The following ARHGAP8 variants were observed in gnomAD, a reference collection of about 807,000 sequenced individuals.
ARHGAP8 encodes rho GTPase-activating protein 8.
ARHGAP8 carries 62 observed loss-of-function variants against 46.1 expected under a neutral mutation model. That is an observed-to-expected ratio of 1.34 (90% CI 1.10 to 1.66). The LOEUF is 1.66. Ranked by LOEUF, ARHGAP8 falls within the 40% of genes most tolerant of loss-of-function variation. The pLI, the probability that ARHGAP8 is intolerant of heterozygous loss-of-function variation, is 0.00. For missense variants in ARHGAP8, 923 were observed against 568.4 expected, an observed-to-expected ratio of 1.62 and a Z score of -6.34; for synonymous variants, 375 against 243.1, an observed-to-expected ratio of 1.54 and a Z score of -5.05.
At chr22:44,850,534 G>A (rs2070067338) in intron 10 of ARHGAP8, 1 of 152,228 alleles carries the variant, frequency 6.6e-6, no homozygotes, top group Non-Finnish European at 1.5e-5. Context: ...GCAGAGGGAT[G>A]ATGACTCCAG....
chr22:44,779,641 A>G lies in ARHGAP8; in HGVS notation c.-71-6816A>G, dbSNP rs1344433175. ...CAGTGGGGTGATCTCGGCTCACTGC[A>G]ACCTCTGCCTACCAGGTTCAAGCAA... On this transcript the variant is annotated intron_variant, in intron 1 of 11. Transcript: ENST00000356099. Among the ~76,000 whole-genome samples, 16 of 145,020 alleles carry G rather than the reference A, an allele frequency of 1.1e-4. No individual in the cohort carries two copies. In the Admixed American group the frequency reaches 1.2e-3, roughly 11 times the overall value.
chr22:44,769,395 C>T (rs1022796737), intron 1 of ARHGAP8, among the ~76,000 whole-genome samples: 5 of 152,078 alleles, frequency 3.3e-5, no homozygotes, highest in African/African-American at 1.2e-4. Context: ...ATCAGAAATT[C>T]TTCCAACTTT....
At chr22:44,753,616 G>A (rs1333770832) in intron 1 of ARHGAP8, among the ~76,000 whole-genome samples, 1 of 151,708 alleles carries the variant, frequency 6.6e-6, no homozygotes, top group East Asian at 2.0e-4. Context: ...ATCCTGTGGG[G>A]GGTGGGGGGG....
intron 1 of ARHGAP8, chr22:44,777,334 A>G (rs1365053886): frequency 6.6e-6 from 1 of 151,852 alleles, no homozygotes; most frequent in Non-Finnish European, 1.5e-5. Flanking sequence ...CATTTCTCCC[A>G]ACACTTTTTA....
intron 4 of ARHGAP8, among the ~76,000 whole-genome samples, chr22:44,812,364 GTTTT>G: frequency 8.5e-6 from 1 of 117,300 alleles, no homozygotes; most frequent in African/African-American, 3.2e-5. Flanking sequence ...TTTGCTTTCT[GTTTT>G]TTTTTTTGAG....
chr22:44,860,960 T>A (rs939969838), intron 11 of ARHGAP8, among the ~76,000 whole-genome samples: 2 of 151,692 alleles, frequency 1.3e-5, no homozygotes, highest in African/African-American at 4.8e-5. Flanking sequence ...TTCTCCCTGT[T>A]GCTTGACATA....
At chr22:44,784,674 G>A (rs5766005) in intron 1 of ARHGAP8, among the ~76,000 whole-genome samples, 134,181 of 152,124 alleles carry the variant, frequency 0.88, 59,493 homozygotes, top group Non-Finnish European at 0.94. Context: ...ACTCATCTCA[G>A]GATCCTTAAC....
chr22:44,861,665 C>T (rs2042696550), intron 11 of ARHGAP8, among the ~76,000 whole-genome samples: 1 of 152,160 alleles, frequency 6.6e-6, no homozygotes, highest in Admixed American at 6.5e-5. Flanking sequence ...AGGCCCTGCC[C>T]TCACGTTGGT....
At chr22:44,775,189 CACATAA>C (rs1436955974) in intron 1 of ARHGAP8, among the ~76,000 whole-genome samples, 2 of 152,164 alleles carry the variant, frequency 1.3e-5, no homozygotes, top group African/African-American at 4.8e-5. Flanking sequence ...GGCAGCACAA[CACATAA>C]ACTGAAAGGA....
chr22:44,776,445 T>TC (rs1926425666), intron 1 of ARHGAP8, among the ~76,000 whole-genome samples: 1 of 117,448 alleles, frequency 8.5e-6, no homozygotes, highest in Non-Finnish European at 1.7e-5. Context: ...AGAGTGAAAC[T>TC]CCGTCTCAAA....
intron 2 of ARHGAP8, among the ~76,000 whole-genome samples, chr22:44,793,759 T>TC (rs1445158017): frequency 6.6e-6 from 1 of 152,202 alleles, no homozygotes; most frequent in Admixed American, 6.6e-5. Context: ...GGTCATGAAT[T>TC]CATCTGATGC....
chr22:44,845,700 G>A (rs1602257189), intron 8 of ARHGAP8, among the ~76,000 whole-genome samples: 1 of 152,166 alleles, frequency 6.6e-6, no homozygotes, highest in Non-Finnish European at 1.5e-5. Context: ...AAGCCCTCTC[G>A]AAATGGGGAC....
At position 44,844,439 on chromosome 22, in the gene ARHGAP8, C is replaced by T. The variant is rs143866497; in HGVS notation, c.597-830C>T. ...TGGCCTAAACATTCCAATTAAAAGA[C>T]AGAGATTCTCAGATTGGATTTTATT... On this transcript the variant is annotated intron_variant, in intron 7 of 11. Transcript: ENST00000356099. 1.4e-3 allele frequency among the ~76,000 whole-genome samples: 208 copies of T among 152,210 alleles called. 1 individual carries two copies. The highest frequency in any genetic ancestry group is 4.7e-3 in the African/African-American group (195 of 41,530).
At chr22:44,858,122 G>C (rs1421787929) in intron 10 of ARHGAP8, among the ~76,000 whole-genome samples, 2 of 152,292 alleles carry the variant, frequency 1.3e-5, no homozygotes, top group Non-Finnish European at 2.9e-5. Context: ...TGGAATAATG[G>C]CTTTTATTAA....
chr22:44,778,518 C>G (rs1286695816), intron 1 of ARHGAP8, among the ~76,000 whole-genome samples: 1 of 152,108 alleles, frequency 6.6e-6, no homozygotes, highest in African/African-American at 2.4e-5. Context: ...TGTATAATGA[C>G]TTATTTTCCT....
chr22:44,802,488 C>T (rs867858014), intron 3 of ARHGAP8, among the ~76,000 whole-genome samples: 9 of 152,214 alleles, frequency 5.9e-5, no homozygotes, highest in African/African-American at 2.2e-4. Flanking sequence ...GATGACACGG[C>T]TGCCGAGCGC....
intron 9 of ARHGAP8, 45 bp from the exon 10 acceptor site, chr22:44,848,887 C>A (rs775735836): frequency 1.2e-6 from 2 of 1,609,812 alleles, no homozygotes; most frequent in East Asian, 4.5e-5. Flanking sequence ...GCGGCAGTGC[C>A]CAGGCCGGGG....
intron 4 of ARHGAP8, chr22:44,809,005 G>C (rs1012290510): frequency 2.4e-6 from 1 of 424,170 alleles, no homozygotes; most frequent in South Asian, 1.7e-5. Context: ...TTTTTTTGTA[G>C]AGACGGGGAT....
chr22:44,848,910 C>T, intron 9 of ARHGAP8, 22 bp from the exon 10 acceptor site: 2 of 1,613,702 alleles, frequency 1.2e-6, no homozygotes, highest in East Asian at 2.2e-5. Context: ...CAGACCTCAG[C>T]AGTGCTGTGT....
Sources: allele counts gnomAD v4.1 joint callset (sites outside exome capture counted in the v4.1 genomes callset), GRCh38; gene constraint gnomAD v4.1.1; transcripts MANE v1.5; gene names NCBI Gene and HGNC (gene_info 2026-07-23, HGNC 2026-07-21).